Variants in CEP70 observed in about 807,000 individuals in gnomAD.
CEP70 encodes the protein centrosomal protein 70, also known as centrosomal protein of 70 kDa.
Under a neutral mutation model 90.9 loss-of-function variants are expected in CEP70, and 70 were observed. The ratio of observed to expected loss-of-function variants is 0.77; its 90% CI spans 0.64 to 0.94. The LOEUF is 0.94. Ranked by LOEUF, CEP70 falls within the 40% of genes least tolerant of loss-of-function variation. The probability of loss-of-function intolerance (pLI) is 0.00; values close to 1 mark genes in which losing one functional copy is unlikely to be tolerated. For missense variants in CEP70, 648 were observed against 669.0 expected (o/e 0.97, Z 0.35); for synonymous variants, 220 against 228.3 (o/e 0.96, Z 0.33).
At chr3:138,571,229 C>T in intron 4 of CEP70, 37 bp downstream of exon 4, 1 of 1,563,626 alleles carries the variant, frequency 6.4e-7, no homozygotes, top group Non-Finnish European at 8.7e-7. Flanking sequence ...GAAAAATAAA[C>T]TTTTTACCTT....
chr3:138,530,939 C>T (rs2037755609), intron 8 of CEP70: 1 of 648,980 alleles, frequency 1.5e-6, no homozygotes, highest in Non-Finnish European at 1.9e-6. Flanking sequence ...AAAACTCCCT[C>T]CTTAGGAGAG....
intron 17 of CEP70, 75 bp from the exon 18 acceptor site, chr3:138,495,151 T>C: frequency 1.2e-6 from 1 of 858,218 alleles, no homozygotes; most frequent in Non-Finnish European, 1.9e-6. Context: ...CAAGAACCTA[T>C]ATGCAAAGGC....
chr3:138,494,743 C>T lies in CEP70; in HGVS notation c.*272G>A. 2 of 240,078 alleles carry T rather than the reference C, an allele frequency of 8.3e-6. No homozygotes were observed. The highest frequency in any genetic ancestry group is 8.0e-6 in the Non-Finnish European group (1 of 125,644). The allele number at this position is 240,078 out of a possible 1,614,324, so 14.9% of individuals were successfully genotyped here. A position where few individuals can be genotyped will look rare whatever the true frequency, so the allele number is the denominator to read the frequency against. ...GGGCTCCTCTTTTACTCACAAACTC[C>T]ACTCTAAAACAACCTTAAATTTTAA... On this transcript the variant is annotated 3_prime_UTR_variant, in exon 18 of 18. Transcript: ENST00000264982.
intron 17 of CEP70, chr3:138,496,998 A>G: frequency 1.0e-6 from 1 of 991,816 alleles, no homozygotes; most frequent in Non-Finnish European, 1.2e-6. Context: ...CAAAGCAAGA[A>G]TCATATTATT....
intron 6 of CEP70, 48 bp downstream of exon 6, chr3:138,570,270 C>T: frequency 8.1e-7 from 1 of 1,240,090 alleles, no homozygotes. Flanking sequence ...CCATAATGAG[C>T]TGTTTTAGTA....
intron 6 of CEP70, among the ~76,000 whole-genome samples, chr3:138,546,656 C>T (rs1010178345): frequency 6.6e-6 from 1 of 151,950 alleles, no homozygotes; most frequent in Non-Finnish European, 1.5e-5. Flanking sequence ...GGCTGAGGCA[C>T]AAGAATTGCT....
chr3:138,532,683 C>A, intron 7 of CEP70, 113 bp from the exon 8 acceptor site: 2 of 983,568 alleles, frequency 2.0e-6, no homozygotes, highest in Non-Finnish European at 2.7e-6. Flanking sequence ...GATTATCTGG[C>A]AGGCTTTAAA....
chr3:138,556,868 G>T (rs1381235354), intron 6 of CEP70, among the ~76,000 whole-genome samples: 3 of 152,140 alleles, frequency 2.0e-5, no homozygotes, highest in Non-Finnish European at 4.4e-5. Flanking sequence ...ACAGACCGGG[G>T]CGAAATTAAA....
chr3:138,526,172 T>G (rs929063373), intron 10 of CEP70, among the ~76,000 whole-genome samples: 1 of 152,170 alleles, frequency 6.6e-6, no homozygotes, highest in Non-Finnish European at 1.5e-5. Context: ...TGTTTTTTGT[T>G]TTTTTTGAGA....
rs561753739 is a variant in CEP70 at position 138,573,380 on chromosome 3, T to TAA, written c.-5-450_-5-449dup. On this transcript the variant is annotated intron_variant, in intron 2 of 17. Coordinates refer to ENST00000264982, the MANE Select transcript of CEP70 (RefSeq NM_024491.4). ...CCAACATATTGCAACTGGGATACAG[T>TAA]AAAAAAAAAAAAGAAAAAAGAAAAA... Among the ~76,000 whole-genome samples the TAA allele has an allele frequency of 1.0e-4, 12 of 118,722 alleles. No homozygotes were observed. The South Asian group carries it at 1.2e-3, about 12-fold the overall frequency. The allele number at this position is 118,722 out of a possible 152,430, so 77.9% of individuals were successfully genotyped here. A position where few individuals can be genotyped will look rare whatever the true frequency, so the allele number is the denominator to read the frequency against.
rs148435266 is a variant in CEP70, at chr3:138,502,846, C to T, written c.1222-1965G>A. Among the ~76,000 whole-genome samples the T allele has an allele frequency of 7.1e-3, 1,084 of 152,190 alleles. 13 individuals carry two copies. The highest frequency in any genetic ancestry group is 0.025 in the African/African-American group (1,030 of 41,500). ...CTACCATGAGCCAGCCTACCGTGTA[C>T]GTCTGGCCTCTGAAGCACTGGAGAA... On this transcript the variant is annotated intron_variant, in intron 13 of 17. Transcript: ENST00000264982.
At chr3:138,583,057 G>T (rs2041946430) in intron 2 of CEP70, among the ~76,000 whole-genome samples, 1 of 151,996 alleles carries the variant, frequency 6.6e-6, no homozygotes, top group African/African-American at 2.4e-5. Context: ...ACACTAGAGT[G>T]GCCGAACTGA....
intron 2 of CEP70, among the ~76,000 whole-genome samples, chr3:138,580,487 A>G (rs1338630250): frequency 6.6e-6 from 1 of 152,236 alleles, no homozygotes; most frequent in Non-Finnish European, 1.5e-5. Flanking sequence ...TCAGATATAT[A>G]GCTGCAGTGA....
chr3:138,504,703 C>T (rs1170335768), intron 13 of CEP70, among the ~76,000 whole-genome samples: 1 of 152,086 alleles, frequency 6.6e-6, no homozygotes, highest in Non-Finnish European at 1.5e-5. Flanking sequence ...TGAAGCTATG[C>T]AATAAATACA....
intron 8 of CEP70, chr3:138,530,594 T>A: frequency 2.0e-6 from 2 of 985,410 alleles, no homozygotes; most frequent in Non-Finnish European, 2.4e-6. Flanking sequence ...GAGAGGCCCA[T>A]GTCCCACCTG....
Position 138,530,511 on chromosome 3 carries a change from A to G in CEP70, c.693-1049T>C, listed in dbSNP as rs368815674. On this transcript the variant is annotated intron_variant, in intron 8 of 17. Coordinates refer to ENST00000264982, the MANE Select transcript of CEP70 (RefSeq NM_024491.4). ...TGCATATAGTCTGATGATAAAAACA[A>G]CAACAACAACAAAAAACTTCGGACA... 6.5e-5 allele frequency: 54 copies of G among 830,696 alleles called. No individual in the cohort carries two copies. In the East Asian group the frequency reaches 6.1e-3, roughly 93 times the overall value. The allele number at this position is 830,696 out of a possible 1,614,324, so 51.5% of individuals were successfully genotyped here.
At chr3:138,508,749 T>C (rs1484826213) in intron 11 of CEP70, among the ~76,000 whole-genome samples, 3 of 151,998 alleles carry the variant, frequency 2.0e-5, no homozygotes, top group Non-Finnish European at 2.9e-5. Context: ...TTTTTTTTTT[T>C]TTGAGACAGA....
Position 138,573,332 on chromosome 3 carries a change from A to G in CEP70, c.-5-400T>C, listed in dbSNP as rs575059232. 3.9e-5 allele frequency among the ~76,000 whole-genome samples: 6 copies of G among 152,184 alleles called. No homozygotes were observed. The South Asian group carries it at 1.0e-3, about 26-fold the overall frequency. On this transcript the variant is annotated intron_variant, in intron 2 of 17. Coordinates refer to ENST00000264982, the MANE Select transcript of CEP70 (RefSeq NM_024491.4). ...AAAAATTTGAGAATCAATGAAAGACATAAATCCACACATTCTAGAAACCCA... is the reference window on the plus strand; with the variant it reads ...AAAAATTTGAGAATCAATGAAAGACGTAAATCCACACATTCTAGAAACCCA...
intron 6 of CEP70, among the ~76,000 whole-genome samples, chr3:138,541,402 G>T (rs1282165620): frequency 7.1e-6 from 1 of 141,462 alleles, no homozygotes; most frequent in Non-Finnish European, 1.5e-5. Flanking sequence ...ACGTGGTGCT[G>T]AAAGAAAAAG....
Sources: allele counts gnomAD v4.1 joint callset (sites outside exome capture counted in the v4.1 genomes callset), GRCh38; gene constraint gnomAD v4.1.1; transcripts MANE v1.5; gene names NCBI Gene and HGNC (gene_info 2026-07-23, HGNC 2026-07-21).